PPP2R5E: variants seen among roughly 807,000 people sequenced by gnomAD.
PPP2R5E encodes protein phosphatase 2 regulatory subunit B'epsilon.
PPP2R5E carries 4 observed loss-of-function variants against 65.3 expected under a neutral mutation model. That is an observed-to-expected ratio of 0.06 (90% CI 0.03 to 0.14). The LOEUF (loss-of-function observed/expected upper bound fraction) is 0.14. Ranked by LOEUF, PPP2R5E falls within the 10% of genes least tolerant of loss-of-function variation. The pLI, the probability that PPP2R5E is intolerant of heterozygous loss-of-function variation, is 1.00. For missense variants in PPP2R5E, 274 were observed against 556.1 expected (o/e 0.49, Z 5.10); for synonymous variants, 183 against 187.4 (o/e 0.98, Z 0.19).
chr14:63,509,267 C>CTTTTT (rs10553696), intron 2 of PPP2R5E, among the ~76,000 whole-genome samples: 7 of 108,064 alleles, frequency 6.5e-5, no homozygotes, highest in South Asian at 2.9e-4. Flanking sequence ...TTAAAATATC[C>CTTTTT]TTTTTTTTTT....
At chr14:63,439,512 T>C (rs1888105543) in intron 3 of PPP2R5E, among the ~76,000 whole-genome samples, 1 of 152,170 alleles carries the variant, frequency 6.6e-6, no homozygotes, top group South Asian at 2.1e-4. Flanking sequence ...GTAGCTGGGA[T>C]TACAGGCATG....
At chr14:63,388,946 G>GTGTGGGT (rs962633912) in intron 11 of PPP2R5E, among the ~76,000 whole-genome samples, 1 of 152,146 alleles carries the variant, frequency 6.6e-6, no homozygotes, top group Non-Finnish European at 1.5e-5. Flanking sequence ...CTTCCCTCCT[G>GTGTGGGT]TGTGGGTTCC....
intron 3 of PPP2R5E, 110 bp downstream of exon 3, chr14:63,453,579 G>T: frequency 3.0e-6 from 3 of 1,008,548 alleles, no homozygotes; most frequent in Non-Finnish European, 4.3e-6. Flanking sequence ...CCAAAGGTTG[G>T]CTCTCATTTG....
intron 4 of PPP2R5E, among the ~76,000 whole-genome samples, chr14:63,416,684 A>T (rs1886705233): frequency 1.3e-5 from 2 of 151,924 alleles, no homozygotes; most frequent in Admixed American, 1.3e-4. Flanking sequence ...AAGGTGCATT[A>T]TATGTTAACA....
chr14:63,396,553 C>T (rs757037267), intron 6 of PPP2R5E, 33 bp downstream of exon 6: 4 of 1,605,726 alleles, frequency 2.5e-6, no homozygotes, highest in Non-Finnish European at 3.4e-6. Flanking sequence ...ACCAACTTTG[C>T]TTCTCCTTCT....
intron 3 of PPP2R5E, among the ~76,000 whole-genome samples, chr14:63,440,430 ATGAACATTTAACCCCAGAG>A (rs1297630188): frequency 1.1e-4 from 16 of 148,998 alleles, no homozygotes; most frequent in Non-Finnish European, 1.9e-4. Context: ...AAAAAAAAAA[ATGAACATTTAACCCCAGAG>A]CATACTATGT....
chr14:63,492,128 C>T (rs1304161980), intron 2 of PPP2R5E, among the ~76,000 whole-genome samples: 5 of 152,100 alleles, frequency 3.3e-5, no homozygotes, highest in Non-Finnish European at 2.9e-5. Flanking sequence ...CGACCTACAG[C>T]TTACTACCTC....
intron 2 of PPP2R5E, among the ~76,000 whole-genome samples, chr14:63,473,959 C>A (rs1279173773): frequency 6.6e-6 from 1 of 152,102 alleles, no homozygotes; most frequent in African/African-American, 2.4e-5. Context: ...TTGGAGTGAG[C>A]ACATGGTTTG....
intron 5 of PPP2R5E, among the ~76,000 whole-genome samples, chr14:63,397,204 G>A (rs1310340189): frequency 6.6e-6 from 1 of 152,130 alleles, no homozygotes; most frequent in Non-Finnish European, 1.5e-5. Context: ...TTCCAAATAT[G>A]CAGTTAAAAT....
intron 3 of PPP2R5E, among the ~76,000 whole-genome samples, chr14:63,422,368 T>C (rs1228850833): frequency 3.3e-5 from 5 of 152,144 alleles, no homozygotes; most frequent in Non-Finnish European, 7.4e-5. Context: ...ATACCTCCCA[T>C]CAAAGCCTGC....
chr14:63,445,651 T>C (rs1566707735), intron 3 of PPP2R5E, among the ~76,000 whole-genome samples: 2 of 152,254 alleles, frequency 1.3e-5, no homozygotes, highest in East Asian at 3.9e-4. Context: ...AAGACCAGCC[T>C]GGCCAACATG....
chr14:63,477,036 C>A (rs896085104), intron 2 of PPP2R5E, among the ~76,000 whole-genome samples: 1 of 152,082 alleles, frequency 6.6e-6, no homozygotes, highest in South Asian at 2.1e-4. Context: ...AATCTCCACA[C>A]CTCCCATTTA....
intron 2 of PPP2R5E, among the ~76,000 whole-genome samples, chr14:63,474,673 C>CAAAAAAA (rs1157357885): frequency 1.3e-3 from 36 of 27,710 alleles, no homozygotes; most frequent in Admixed American, 2.1e-3. Flanking sequence ...TACCCCATCT[C>CAAAAAAA]AAAAAAAAAA....
At chr14:63,400,380 G>A (rs1885676322) in intron 5 of PPP2R5E, among the ~76,000 whole-genome samples, 1 of 152,190 alleles carries the variant, frequency 6.6e-6, no homozygotes, top group African/African-American at 2.4e-5. Flanking sequence ...TCTAAAGGAA[G>A]AGACATCCAG....
intron 3 of PPP2R5E, among the ~76,000 whole-genome samples, chr14:63,424,450 C>T: frequency 6.6e-6 from 1 of 152,078 alleles, no homozygotes; most frequent in African/African-American, 2.4e-5. Flanking sequence ...AAGGAGTAAA[C>T]AAAAAGAAGA....
intron 3 of PPP2R5E, among the ~76,000 whole-genome samples, chr14:63,430,328 C>T (rs1023198192): frequency 1.3e-4 from 18 of 142,280 alleles, no homozygotes; most frequent in African/African-American, 4.8e-4. Context: ...AGAGTGGCCA[C>T]AATGGAGAAA....
chr14:63,405,044 C>G (rs796989519), intron 5 of PPP2R5E, among the ~76,000 whole-genome samples: 3 of 152,164 alleles, frequency 2.0e-5, no homozygotes, highest in Admixed American at 6.5e-5. Context: ...AAGCACAGGG[C>G]CCAGCACAAC....
At chr14:63,426,087 T>A (rs1594860684) in intron 3 of PPP2R5E, among the ~76,000 whole-genome samples, 1 of 152,352 alleles carries the variant, frequency 6.6e-6, no homozygotes, top group East Asian at 1.9e-4. Flanking sequence ...CAGAGTTGAC[T>A]GGATTGGTGA....
intron 2 of PPP2R5E, among the ~76,000 whole-genome samples, chr14:63,482,071 T>C (rs1447811548): frequency 6.6e-6 from 1 of 152,260 alleles, no homozygotes; most frequent in African/African-American, 2.4e-5. Flanking sequence ...GTTATGCAAC[T>C]ATGTAAACAT....
Sources: allele counts gnomAD v4.1 joint callset (sites outside exome capture counted in the v4.1 genomes callset), GRCh38; gene constraint gnomAD v4.1.1; transcripts MANE v1.5; gene names NCBI Gene and HGNC (gene_info 2026-07-23, HGNC 2026-07-21).